The following SLC25A37 variants were observed in gnomAD, a reference collection of about 807,000 sequenced individuals.
SLC25A37 encodes mitoferrin-1.
Under a neutral mutation model 31.0 loss-of-function variants are expected in SLC25A37, and 17 were observed. That is an observed-to-expected ratio of 0.55 (90% CI 0.38 to 0.82). SLC25A37 has a LOEUF of 0.82. Among genes scored for constraint, SLC25A37 ranks in the 40% least tolerant of loss-of-function variants. The probability of loss-of-function intolerance (pLI) is 0.00; values close to 1 mark genes in which losing one functional copy is unlikely to be tolerated. For missense variants in SLC25A37, 404 were observed against 465.8 expected (o/e 0.87, Z 1.22); for synonymous variants, 222 against 193.0 (o/e 1.15, Z -1.24).
chr8:23,540,842 A>G (rs1237205245), intron 1 of SLC25A37, among the ~76,000 whole-genome samples: 1 of 152,212 alleles, frequency 6.6e-6, no homozygotes, highest in Admixed American at 6.5e-5. Context: ...CCGCTTACGC[A>G]TGTAGTGAGA....
intron 3 of SLC25A37, among the ~76,000 whole-genome samples, chr8:23,570,090 C>T (rs1385025830): frequency 2.0e-5 from 3 of 151,956 alleles, no homozygotes; most frequent in African/African-American, 4.8e-5. Context: ...GGGAGGTGGG[C>T]GGGGAGTCTC....
In SLC25A37 at chr8:23,555,312, T is replaced by G. The variant is rs142818472; in HGVS notation, c.211-10796T>G. Among the ~76,000 whole-genome samples the G allele has an allele frequency of 2.7e-3, 412 of 152,274 alleles. 1 individual carries two copies. Among genetic ancestry groups the G allele is most frequent in the African/African-American group, 9.5e-3 (393 of 41,552 alleles). On this transcript the variant is annotated intron_variant, in intron 1 of 3. Coordinates refer to ENST00000519973, the MANE Select transcript of SLC25A37 (RefSeq NM_016612.4). The stretch of plus-strand genomic sequence containing the variant: ...AAGAGATTGTAGTGACAGCTCTAAT[T>G]CTTACAGCTTGACATACTCTTCCTT...
intron 1 of SLC25A37, among the ~76,000 whole-genome samples, chr8:23,556,702 G>T (rs559376991): frequency 1.7e-4 from 26 of 152,038 alleles, no homozygotes; most frequent in African/African-American, 6.3e-4. Flanking sequence ...GCCAGTTTGG[G>T]AGATGTTAGA....
chr8:23,529,538 C>T lies in SLC25A37; in HGVS notation c.210+326C>T, dbSNP rs1418692715. Among the ~76,000 whole-genome samples the T allele has an allele frequency of 6.6e-6, 1 of 152,112 alleles. No individual in the cohort carries two copies. Among genetic ancestry groups the T allele is most frequent in the Non-Finnish European group, 1.5e-5 (1 of 67,990 alleles). ...GCGGCGACTGGGCTCCCGGGGGACGCGATCGCTGAAGCTCTGCACAGTCTT... is the reference window on the plus strand; with the variant it reads ...GCGGCGACTGGGCTCCCGGGGGACGTGATCGCTGAAGCTCTGCACAGTCTT... On this transcript the variant is annotated intron_variant, in intron 1 of 3. Coordinates refer to ENST00000519973, the MANE Select transcript of SLC25A37 (RefSeq NM_016612.4). This position sits in a 1 kb window ranked among gnomAD's most constrained non-coding sequence, Gnocchi z 4.1.
At chr8:23,545,309 CCTCT>C (rs1226279729) in intron 1 of SLC25A37, among the ~76,000 whole-genome samples, 1 of 152,210 alleles carries the variant, frequency 6.6e-6, no homozygotes, top group Non-Finnish European at 1.5e-5. Context: ...ACTTTCCTGT[CCTCT>C]CTCTTTCCTT....
At chr8:23,545,969 A>T (rs11775192) in intron 1 of SLC25A37, among the ~76,000 whole-genome samples, 56,823 of 151,946 alleles carry the variant, frequency 0.37, 12,247 homozygotes, top group East Asian at 0.62. Context: ...ACCCCGTCTC[A>T]ACTAAAAATA....
intron 1 of SLC25A37, among the ~76,000 whole-genome samples, chr8:23,542,050 T>C (rs1801907337): frequency 1.3e-5 from 2 of 152,180 alleles, no homozygotes; most frequent in Non-Finnish European, 2.9e-5. Flanking sequence ...TGTAGCTTCA[T>C]CCCCTGCCCT....
intron 1 of SLC25A37, chr8:23,541,905 C>CT (rs1457246720): frequency 2.0e-5 from 3 of 152,230 alleles, no homozygotes; most frequent in Admixed American, 2.0e-4. Flanking sequence ...CAGGGTGTGT[C>CT]TTTAACTGAA....
chr8:23,566,272 T>C lies in SLC25A37; in HGVS notation c.375T>C (p.Tyr125=). The C allele has an allele frequency of 6.3e-7, 1 of 1,598,860 alleles. No homozygotes were observed. The highest frequency in any genetic ancestry group is 8.5e-7 in the Non-Finnish European group (1 of 1,175,062). The change falls in exon 2 of 4, where the codon TAT becomes TAC. Residue 125 remains tyrosine, a synonymous_variant. Coordinates refer to ENST00000519973, the MANE Select transcript of SLC25A37 (RefSeq NM_016612.4). ...CCCATGCCATGTATTTTGCCTGCTA[T>C]GAAAACATGAAAAGGACTTTAAATG... is the stretch of plus-strand genomic sequence containing the variant. The part of the protein sequence containing the change: ...GPAHAMYFAC[Y]ENMKRTLNDV...
In SLC25A37 at chr8:23,543,707, G is replaced by C. The variant is rs147442983; in HGVS notation, c.210+14495G>C. On this transcript the variant is annotated intron_variant, in intron 1 of 3. Transcript: ENST00000519973. ...CTGCCACCACGCCCAGCTAAATTTT[G>C]TATTTTTAGTAGAGATGGGGTTTCG... is the stretch of plus-strand genomic sequence containing the variant. Among the ~76,000 whole-genome samples, 1,016 of 152,092 alleles carry C rather than the reference G, an allele frequency of 6.7e-3. 6 individuals are homozygous for C. The highest frequency in any genetic ancestry group is 0.023 in the African/African-American group (972 of 41,488).
At chr8:23,558,925 T>C (rs978754594) in intron 1 of SLC25A37, among the ~76,000 whole-genome samples, 4 of 152,222 alleles carry the variant, frequency 2.6e-5, no homozygotes, top group Middle Eastern at 3.2e-3. Context: ...CACAACCACC[T>C]GCCTCCGGCC....
chr8:23,566,616 ATT>A lies in SLC25A37; in HGVS notation c.439+288_439+289del, dbSNP rs34669688. The A allele has an allele frequency of 1.5e-4, 167 of 1,108,514 alleles. 1 individual carries two copies. The East Asian group carries it at 2.0e-3, about 13-fold the overall frequency. 68.7% of individuals were successfully genotyped at this position (1,108,514 alleles called of 1,614,324 possible). A position where few individuals can be genotyped will look rare whatever the true frequency, so the allele number is the denominator to read the frequency against. On this transcript the variant is annotated intron_variant, in intron 2 of 3. Transcript: ENST00000519973. ...TATTGTTATGTGGGTTTTCTTTTGT[ATT>A]TTTTTTTGTTTGTTTTGTTTTTAAA...
chr8:23,571,697 C>T lies in SLC25A37; in HGVS notation c.859C>T (p.Arg287Trp), dbSNP rs1416365861. The T allele has an allele frequency of 5.6e-6, 9 of 1,613,880 alleles. No homozygotes were observed. Among genetic ancestry groups the T allele is most frequent in the African/African-American group, 2.7e-5 (2 of 74,926 alleles). Residue 287 changes from arginine (R) to tryptophan (W), a missense_variant, in exon 4 of 4, where the codon CGG (arginine) becomes TGG (tryptophan). Around this residue, in one of 3 missense-constraint regions of SLC25A37, gnomAD observed 243 missense variants for 284.4 expected, o/e 0.85. Coordinates refer to ENST00000519973, the MANE Select transcript of SLC25A37 (RefSeq NM_016612.4). The part of the protein sequence containing the change: ...GRLSGMANAF[R>W]TVYQLNGLAG... ...GCTGTCGGGTATGGCCAATGCCTTC[C>T]GGACGGTGTACCAGCTCAACGGCCT...
intron 1 of SLC25A37, among the ~76,000 whole-genome samples, chr8:23,537,652 TACAG>T (rs1159057000): frequency 3.9e-5 from 6 of 152,128 alleles, no homozygotes; most frequent in African/African-American, 1.4e-4. Flanking sequence ...AGTTGGAAAA[TACAG>T]GCAGGTTTGC....
rs764538168 is a variant in SLC25A37 at position 23,571,426 on chromosome 8, C to T, written c.588C>T (p.Ala196=). ...TGTGGAGGACCGAGGGGTTGGGGGC[C>T]TTCTACCGGAGCTACACCACGCAGC... The part of the protein sequence containing the change: ...RTVWRTEGLG[A]FYRSYTTQLT... The change falls in exon 4 of 4, where the codon GCC becomes GCT. Residue 196 remains alanine (A), a synonymous_variant. Transcript: ENST00000519973. 2.1e-5 allele frequency: 34 copies of T among 1,613,970 alleles called. No homozygotes were observed. In the East Asian group the frequency reaches 6.7e-4, roughly 32 times the overall value.
intron 1 of SLC25A37, among the ~76,000 whole-genome samples, chr8:23,538,058 G>GAAAAA (rs34577086): frequency 3.4e-5 from 5 of 146,992 alleles, no homozygotes; most frequent in Middle Eastern, 3.3e-3. Context: ...TAAAAAAGAT[G>GAAAAA]AAAAAAAAAA....
intron 1 of SLC25A37, among the ~76,000 whole-genome samples, chr8:23,555,784 A>G (rs921476584): frequency 5.3e-5 from 8 of 152,228 alleles, no homozygotes; most frequent in African/African-American, 1.9e-4. Context: ...TGGTGGAAAG[A>G]CAGAGGAGCC....
intron 1 of SLC25A37, among the ~76,000 whole-genome samples, chr8:23,559,036 G>A (rs1264183482): frequency 1.3e-5 from 2 of 152,192 alleles, no homozygotes; most frequent in Non-Finnish European, 1.5e-5. Flanking sequence ...CATTGGCTAC[G>A]GCTGTGTTTT....
intron 3 of SLC25A37, chr8:23,568,591 A>G (rs1392093420): frequency 1.2e-5 from 7 of 581,548 alleles, no homozygotes; most frequent in Non-Finnish European, 1.8e-5. Flanking sequence ...GCTCGGAGCT[A>G]CTCAAAGTGT....
Sources: allele counts gnomAD v4.1 joint callset (sites outside exome capture counted in the v4.1 genomes callset), GRCh38; gene constraint gnomAD v4.1.1; regional missense constraint gnomAD v4.1.1; non-coding constraint Gnocchi (gnomAD v3.1); transcripts MANE v1.5; gene names NCBI Gene and HGNC (gene_info 2026-07-23, HGNC 2026-07-21).